Variants in ZFAT observed in about 807,000 individuals in gnomAD.
The protein encoded by ZFAT is zinc finger and AT-hook domain containing, also known as zinc finger protein ZFAT.
A neutral mutation model predicts 117.7 loss-of-function variants in ZFAT; 64 were observed. The ratio of observed to expected loss-of-function variants is 0.54; its 90% CI spans 0.44 to 0.67. ZFAT has a LOEUF of 0.67. Among genes scored for constraint, ZFAT ranks in the 30% least tolerant of loss-of-function variants. ZFAT has a pLI of 0.00. For missense variants in ZFAT, 1,433 were observed against 1,584.5 expected (o/e 0.90, Z 1.62); for synonymous variants, 679 against 615.0 (o/e 1.10, Z -1.54).
the ZFAT span, among the ~76,000 whole-genome samples, chr8:134,773,581 T>C: frequency 1.3e-5 from 2 of 152,206 alleles, no homozygotes; most frequent in Non-Finnish European, 2.9e-5. Flanking sequence ...GGAAAGTAAG[T>C]TGAAAACTTT....
At chr8:134,806,610 A>T in the ZFAT span, among the ~76,000 whole-genome samples, 1 of 152,182 alleles carries the variant, frequency 6.6e-6, no homozygotes, top group Admixed American at 6.5e-5. Context: ...CCTTTAATTT[A>T]CCTTCCTGTC....
chr8:134,595,048 A>T (rs1418115149), intron 7 of ZFAT, among the ~76,000 whole-genome samples: 3 of 152,318 alleles, frequency 2.0e-5, no homozygotes, highest in African/African-American at 7.2e-5. Context: ...CATTCATAAC[A>T]ATTATCCCCA....
chr8:134,722,013 G>A, the ZFAT span, among the ~76,000 whole-genome samples: 8 of 152,188 alleles, frequency 5.3e-5, no homozygotes, highest in South Asian at 2.1e-4. Flanking sequence ...CATTTATGGC[G>A]TGCCCACCAG....
At chr8:134,497,399 T>A (rs13252520) in intron 15 of ZFAT, among the ~76,000 whole-genome samples, 1 of 145,872 alleles carries the variant, frequency 6.9e-6, no homozygotes, top group Non-Finnish European at 1.5e-5. Flanking sequence ...AGGATGCCCC[T>A]GCTGCTGGTT....
chr8:134,738,228 A>T, the ZFAT span, among the ~76,000 whole-genome samples: 1 of 152,184 alleles, frequency 6.6e-6, no homozygotes, highest in Non-Finnish European at 1.5e-5. Context: ...GTTTCCTTGA[A>T]TGGCCCCACC....
chr8:134,769,493 C>A, the ZFAT span, among the ~76,000 whole-genome samples: 1 of 152,236 alleles, frequency 6.6e-6, no homozygotes, highest in Non-Finnish European at 1.5e-5. Context: ...GGCAGCTCCA[C>A]CCCTGTGGCT....
intron 3 of ZFAT, among the ~76,000 whole-genome samples, chr8:134,620,459 C>A (rs1282956754): frequency 6.6e-6 from 1 of 152,222 alleles, no homozygotes; most frequent in Non-Finnish European, 1.5e-5. Flanking sequence ...CAGGCCCAGG[C>A]ATTTAAAGTC....
At chr8:134,558,678 T>C (rs1823828545) in intron 11 of ZFAT, among the ~76,000 whole-genome samples, 1 of 152,226 alleles carries the variant, frequency 6.6e-6, no homozygotes, top group African/African-American at 2.4e-5. Context: ...CTTGCTGTAG[T>C]TCTTTCGAGA....
At chr8:134,494,817 C>G (rs7831961) in intron 15 of ZFAT, among the ~76,000 whole-genome samples, 117,442 of 152,212 alleles carry the variant, frequency 0.77, 46,190 homozygotes, top group African/African-American at 0.94. Flanking sequence ...GTAGCAAGTA[C>G]ATCTAAGAAC....
In ZFAT at chr8:134,541,848, T is replaced by A. The variant is rs73709638; in HGVS notation, c.2977-8876A>T. On this transcript the variant is annotated intron_variant, in intron 11 of 15. Coordinates refer to ENST00000377838, the MANE Select transcript of ZFAT (RefSeq NM_020863.4). ...CTTATCTTTACTCATAAATAAAGTA[T>A]CGGCTGAGTATCTACTACATGCCAA... is the stretch of plus-strand genomic sequence containing the variant. Among the ~76,000 whole-genome samples the A allele has an allele frequency of 7.0e-3, 1,064 of 152,354 alleles. 6 individuals carry two copies. The highest frequency in any genetic ancestry group is 0.023 in the African/African-American group (950 of 41,582).
intron 3 of ZFAT, among the ~76,000 whole-genome samples, chr8:134,628,006 C>T (rs967655618): frequency 1.1e-4 from 16 of 152,036 alleles, no homozygotes; most frequent in East Asian, 1.9e-4. Context: ...GGCACGTGCG[C>T]GGCACAATGA....
intron 1 of ZFAT, among the ~76,000 whole-genome samples, chr8:134,694,129 A>G (rs1212876340): frequency 2.0e-5 from 3 of 152,208 alleles, no homozygotes; most frequent in African/African-American, 4.8e-5. Flanking sequence ...GTGAAGAGAC[A>G]TGACGCTGGA....
At chr8:134,597,185 A>C (rs892120252) in intron 7 of ZFAT, among the ~76,000 whole-genome samples, 1 of 152,122 alleles carries the variant, frequency 6.6e-6, no homozygotes, top group Non-Finnish European at 1.5e-5. Context: ...AAGGGAAAGC[A>C]GATCTTTTTT....
intron 15 of ZFAT, among the ~76,000 whole-genome samples, chr8:134,484,553 T>C (rs1188422284): frequency 6.6e-6 from 1 of 152,120 alleles, no homozygotes; most frequent in African/African-American, 2.4e-5. Flanking sequence ...CCTTATTCTA[T>C]GGAAGGGAAG....
At chr8:134,659,493 C>A (rs11985072) in intron 1 of ZFAT, among the ~76,000 whole-genome samples, 1 of 152,094 alleles carries the variant, frequency 6.6e-6, no homozygotes, top group Non-Finnish European at 1.5e-5. Flanking sequence ...CTAAAGATAG[C>A]GCATGCCTGA....
intron 1 of ZFAT, among the ~76,000 whole-genome samples, chr8:134,680,261 CAA>C (rs35292754): frequency 6.3e-4 from 31 of 48,904 alleles, no homozygotes; most frequent in East Asian, 8.7e-4. Flanking sequence ...GACTCCCCCT[CAA>C]AAAAAAAAAA....
At chr8:134,491,825 G>A (rs1407103787) in intron 15 of ZFAT, among the ~76,000 whole-genome samples, 2 of 152,336 alleles carry the variant, frequency 1.3e-5, no homozygotes, top group Non-Finnish European at 2.9e-5. Context: ...CGCTTGCCAT[G>A]TAAAACTTAA....
At chr8:134,587,261 C>G (rs2130861983) in intron 9 of ZFAT, among the ~76,000 whole-genome samples, 1 of 152,262 alleles carries the variant, frequency 6.6e-6, no homozygotes, top group East Asian at 1.9e-4. Context: ...CTCGGAATGG[C>G]CCTCTGGAGA....
At chr8:134,491,844 T>C (rs570540767) in intron 15 of ZFAT, among the ~76,000 whole-genome samples, 25 of 152,330 alleles carry the variant, frequency 1.6e-4, no homozygotes, top group African/African-American at 5.3e-4. Flanking sequence ...AACATATTTG[T>C]AGGTTCTGTG....
Sources: allele counts gnomAD v4.1 joint callset (sites outside exome capture counted in the v4.1 genomes callset), GRCh38; gene constraint gnomAD v4.1.1; transcripts MANE v1.5; gene names NCBI Gene and HGNC (gene_info 2026-07-23, HGNC 2026-07-21).